Variants in C16orf74 observed in about 807,000 individuals in gnomAD.
C16orf74 encodes the protein calcimembrin, also known as uncharacterized protein C16orf74.
C16orf74 carries 10 observed loss-of-function variants against 6.5 expected under a neutral mutation model. That is an observed-to-expected ratio of 1.54 (90% CI 0.95 to 2.61). C16orf74 has a LOEUF of 2.61. Among genes scored for constraint, C16orf74 ranks in the 30% most tolerant of loss-of-function variants. C16orf74 has a pLI of 0.00. For synonymous variants in C16orf74, 60 were observed against 42.5 expected, an observed-to-expected ratio of 1.41 and a Z score of -1.60; for missense variants, 141 against 105.9, an observed-to-expected ratio of 1.33 and a Z score of -1.45.
intron 2 of C16orf74, chr16:85,710,930 G>C (rs539213531): frequency 3.3e-5 from 5 of 152,264 alleles, no homozygotes; most frequent in African/African-American, 1.2e-4. Context: ...TCTTTGCTGT[G>C]AACACCTGGA....
At chr16:85,712,437 T>C (rs1186676021) in intron 2 of C16orf74, among the ~76,000 whole-genome samples, 1 of 152,148 alleles carries the variant, frequency 6.6e-6, no homozygotes, top group African/African-American at 2.4e-5. Context: ...AGGTGCACAG[T>C]GGGAATCTCA....
At chr16:85,708,958 G>T (rs1465771357) in intron 3 of C16orf74, among the ~76,000 whole-genome samples, 1 of 152,264 alleles carries the variant, frequency 6.6e-6, no homozygotes, top group African/African-American at 2.4e-5. Flanking sequence ...TCCGGCCTGG[G>T]GGCCACGGGG....
intron 1 of C16orf74, among the ~76,000 whole-genome samples, chr16:85,745,322 C>A (rs1305855069): frequency 6.6e-6 from 1 of 152,064 alleles, no homozygotes; most frequent in Non-Finnish European, 1.5e-5. Flanking sequence ...CACAGCTTCT[C>A]TAAGGCCAAG....
intron 2 of C16orf74, among the ~76,000 whole-genome samples, chr16:85,732,730 ATGCTTG>A (rs2054203465): frequency 7.1e-6 from 1 of 141,508 alleles, no homozygotes; most frequent in Non-Finnish European, 1.5e-5. Flanking sequence ...AGTCACCCCC[ATGCTTG>A]TGTGGGCCTC....
At chr16:85,740,426 G>A (rs1254469469) in intron 1 of C16orf74, among the ~76,000 whole-genome samples, 1 of 151,682 alleles carries the variant, frequency 6.6e-6, no homozygotes, top group Non-Finnish European at 1.5e-5. Context: ...GGTGTGGCCG[G>A]GCGCGGTGGC....
chr16:85,728,237 C>T (rs1598794795), intron 2 of C16orf74, among the ~76,000 whole-genome samples: 1 of 152,054 alleles, frequency 6.6e-6, no homozygotes, highest in South Asian at 2.1e-4. Flanking sequence ...ACGAGTGGAC[C>T]GTGTGAGTGT....
At chr16:85,729,407 C>G (rs1033433281) in intron 2 of C16orf74, among the ~76,000 whole-genome samples, 1 of 152,338 alleles carries the variant, frequency 6.6e-6, no homozygotes, top group Admixed American at 6.5e-5. Context: ...GACTCGGAAA[C>G]AAAGGGGTGT....
rs367820632 is a variant in C16orf74 at position 85,715,112 on chromosome 16, A to C, written c.29-4805T>G. ...GCGGAGCTTGCAGTGAGCCGAGATC[A>C]CGCCACTGCACTCCAGCCCGGGTGA... On this transcript the variant is annotated intron_variant, in intron 2 of 3. Coordinates refer to ENST00000284245, the MANE Select transcript of C16orf74 (RefSeq NM_206967.3). Among the ~76,000 whole-genome samples the C allele has an allele frequency of 4.0e-5, 6 of 150,444 alleles. No individual in the cohort carries two copies. In the South Asian group the frequency reaches 6.3e-4, roughly 16 times the overall value.
At chr16:85,730,969 T>A (rs80028669) in intron 2 of C16orf74, among the ~76,000 whole-genome samples, 2,705 of 152,230 alleles carry the variant, frequency 0.018, 71 homozygotes, top group African/African-American at 0.063. Context: ...ATATACTGAA[T>A]TAAATAAAAC....
At chr16:85,721,978 CT>C (rs146218477) in intron 2 of C16orf74, among the ~76,000 whole-genome samples, 37,757 of 90,942 alleles carry the variant, frequency 0.42, 8,128 homozygotes, top group East Asian at 0.68. Flanking sequence ...AGATTCTAAC[CT>C]TTTTTTTTTT....
At chr16:85,735,797 T>C (rs2054238403) in intron 1 of C16orf74, among the ~76,000 whole-genome samples, 1 of 151,904 alleles carries the variant, frequency 6.6e-6, no homozygotes. Context: ...AGTGTTCTCA[T>C]GATGTTCCTG....
At chr16:85,736,372 C>T (rs897728168) in intron 1 of C16orf74, among the ~76,000 whole-genome samples, 1 of 152,078 alleles carries the variant, frequency 6.6e-6, no homozygotes, top group Non-Finnish European at 1.5e-5. Flanking sequence ...CAGCTCAGGC[C>T]CACCCAGGCG....
rs1462398423 is a variant in C16orf74, at chr16:85,707,589, T to C, written c.*419A>G. The C allele has an allele frequency of 5.7e-6, 1 of 176,064 alleles. No individual in the cohort carries two copies. Among genetic ancestry groups the C allele is most frequent in the Non-Finnish European group, 1.2e-5 (1 of 84,368 alleles). The allele number at this position is 176,064 out of a possible 1,614,324, so 10.9% of individuals were successfully genotyped here. A position where few individuals can be genotyped will look rare whatever the true frequency, so the allele number is the denominator to read the frequency against. On this transcript the variant is annotated 3_prime_UTR_variant, in exon 4 of 4. Transcript: ENST00000284245. Reference sequence around the variant, plus strand: ...TCCCATTTTGGACTGTTTCCGTATCTGTAAAACAACTTATAAAAAACAGCC... The same window carrying C: ...TCCCATTTTGGACTGTTTCCGTATCCGTAAAACAACTTATAAAAAACAGCC...
At chr16:85,708,552 AC>A (rs1342839809) in intron 3 of C16orf74, among the ~76,000 whole-genome samples, 3 of 152,204 alleles carry the variant, frequency 2.0e-5, no homozygotes, top group Non-Finnish European at 4.4e-5. Context: ...TGGGCGAGGC[AC>A]TGTCCCTCTC....
intron 1 of C16orf74, 107 bp downstream of exon 1, chr16:85,750,819 C>T (rs902453892): frequency 3.9e-5 from 6 of 152,046 alleles, no homozygotes; most frequent in Non-Finnish European, 8.8e-5. Context: ...GCCCCTGCAG[C>T]GGCTAGAGCT....
intron 1 of C16orf74, among the ~76,000 whole-genome samples, chr16:85,741,165 G>T (rs1260854356): frequency 6.6e-6 from 1 of 152,218 alleles, no homozygotes; most frequent in African/African-American, 2.4e-5. Flanking sequence ...CCCAGGGCAG[G>T]ATGCGGGCGG....
chr16:85,709,600 A>G (rs1301870275), intron 3 of C16orf74, among the ~76,000 whole-genome samples: 4 of 152,032 alleles, frequency 2.6e-5, no homozygotes, highest in Admixed American at 2.6e-4. Flanking sequence ...TACATGAACA[A>G]TTTGTCCCAC....
chr16:85,731,335 A>G (rs1042264056), intron 2 of C16orf74, among the ~76,000 whole-genome samples: 3 of 152,268 alleles, frequency 2.0e-5, no homozygotes, highest in African/African-American at 7.2e-5. Flanking sequence ...GTGCAGCTGC[A>G]GAGGTCACAT....
intron 2 of C16orf74, among the ~76,000 whole-genome samples, chr16:85,716,173 A>G (rs905237152): frequency 1.3e-5 from 2 of 151,944 alleles, no homozygotes; most frequent in African/African-American, 2.4e-5. Flanking sequence ...TGAGGACAAA[A>G]CCTACACATA....
Sources: gnomAD v4.1 joint callset for allele counts (sites outside exome capture counted in the v4.1 genomes callset) on GRCh38, gnomAD v4.1.1 for gene constraint, MANE v1.5 for transcripts, NCBI Gene and HGNC (gene_info 2026-07-23, HGNC 2026-07-21) for gene names.